RFC3: variants seen among roughly 807,000 people sequenced by gnomAD.
The protein encoded by RFC3 is A1 38 kDa subunit.
Under a neutral mutation model 45.1 loss-of-function variants are expected in RFC3, and 41 were observed. The ratio of observed to expected loss-of-function variants is 0.91; its 90% confidence interval spans 0.71 to 1.18. The LOEUF is 1.18. Ranked by LOEUF, RFC3 falls within the 50% of genes most tolerant of loss-of-function variation. The pLI is 0.00. For missense variants in RFC3, 423 were observed against 428.1 expected (o/e 0.99, Z 0.10); for synonymous variants, 149 against 144.0 (o/e 1.03, Z -0.25).
chr13:33,954,643 G>A (rs2083010957), intron 8 of RFC3, among the ~76,000 whole-genome samples: 1 of 152,156 alleles, frequency 6.6e-6, no homozygotes, highest in African/African-American at 2.4e-5. Context: ...AAGGGTGCTG[G>A]CAGATCAGGT....
intron 8 of RFC3, among the ~76,000 whole-genome samples, chr13:33,880,114 T>C (rs144014007): frequency 1.3e-5 from 2 of 152,346 alleles, no homozygotes; most frequent in African/African-American, 4.8e-5. Flanking sequence ...AATTCCCCTT[T>C]ATCGTGTAAT....
intron 8 of RFC3, among the ~76,000 whole-genome samples, chr13:33,933,278 G>A (rs1157894968): frequency 2.0e-5 from 3 of 152,114 alleles, no homozygotes; most frequent in Non-Finnish European, 4.4e-5. Flanking sequence ...AGAGATCTGG[G>A]TGAACAAAGA....
rs184178534 is a variant in RFC3 at position 33,826,547 on chromosome 13, A to G, written c.391+661A>G. Among the ~76,000 whole-genome samples the G allele has an allele frequency of 1.9e-4, 29 of 152,284 alleles. No homozygotes were observed. The East Asian group carries it at 4.2e-3, about 22-fold the overall frequency. On this transcript the variant is annotated intron_variant, in intron 4 of 8. Transcript: ENST00000380071. Reference sequence around the variant, plus strand: ...TTTTATTGTTTTGTGAATTCGCTGTACATATTCTCAGCTGATTTCTTTCCT... The same window carrying G: ...TTTTATTGTTTTGTGAATTCGCTGTGCATATTCTCAGCTGATTTCTTTCCT...
chr13:33,938,881 A>G (rs1007407133), intron 8 of RFC3, among the ~76,000 whole-genome samples: 3 of 152,208 alleles, frequency 2.0e-5, no homozygotes, highest in Non-Finnish European at 4.4e-5. Context: ...TCCAACTGGC[A>G]GTGTAATAAG....
At chr13:33,962,622 T>C (rs2083064256) in intron 8 of RFC3, among the ~76,000 whole-genome samples, 1 of 152,200 alleles carries the variant, frequency 6.6e-6, no homozygotes, top group Non-Finnish European at 1.5e-5. Context: ...GAGATGCTCA[T>C]GCAACAAAAT....
chr13:33,830,580 G>GTA, intron 5 of RFC3, 139 bp from the exon 6 acceptor site: 1 of 568,024 alleles, frequency 1.8e-6, no homozygotes, highest in Non-Finnish European at 2.9e-6. Context: ...ATGCAGAGTG[G>GTA]TAAGTTACTT....
At chr13:33,890,343 A>G (rs2082555802) in intron 8 of RFC3, among the ~76,000 whole-genome samples, 1 of 152,148 alleles carries the variant, frequency 6.6e-6, no homozygotes, top group Non-Finnish European at 1.5e-5. Flanking sequence ...CCCAGAAGCA[A>G]TATCAGAGCT....
chr13:33,940,617 T>C (rs2082917051), intron 8 of RFC3, among the ~76,000 whole-genome samples: 1 of 152,216 alleles, frequency 6.6e-6, no homozygotes, highest in Non-Finnish European at 1.5e-5. Context: ...CAAATATTTT[T>C]ATGTTTTTAT....
At chr13:33,941,235 T>G (rs1418157051) in intron 8 of RFC3, among the ~76,000 whole-genome samples, 1 of 144,686 alleles carries the variant, frequency 6.9e-6, no homozygotes, top group Admixed American at 7.0e-5. Context: ...TCCTGAGAGA[T>G]TTTTTTTTTT....
At chr13:33,876,266 A>G (rs1045510090) in intron 8 of RFC3, among the ~76,000 whole-genome samples, 7 of 152,238 alleles carry the variant, frequency 4.6e-5, no homozygotes, top group Admixed American at 3.9e-4. Context: ...TACAGCTGCT[A>G]GAGAAGCGCT....
chr13:33,904,402 C>T (rs1270535143), intron 8 of RFC3, among the ~76,000 whole-genome samples: 1 of 152,030 alleles, frequency 6.6e-6, no homozygotes, highest in South Asian at 2.1e-4. Flanking sequence ...TGTCACCAGT[C>T]TTGGTAGTGT....
chr13:33,895,329 G>A (rs574171201), intron 8 of RFC3, among the ~76,000 whole-genome samples: 3 of 152,256 alleles, frequency 2.0e-5, no homozygotes, highest in Admixed American at 6.5e-5. Context: ...AGTGGTCAGA[G>A]TACATGATAG....
rs183473114 is a variant in RFC3, at chr13:33,834,418, G to A, written c.810-730G>A. On this transcript the variant is annotated intron_variant, in intron 7 of 8. Coordinates refer to ENST00000380071, the MANE Select transcript of RFC3 (RefSeq NM_002915.4). ...TTTTTTTTTTTTTCTGTTTTAAAAC[G>A]TCATATGTACATTTCCCTCCTCTTC... 3.0e-3 allele frequency among the ~76,000 whole-genome samples: 425 copies of A among 140,684 alleles called. 8 individuals are homozygous for A. Among genetic ancestry groups the A allele is most frequent in the Non-Finnish European group, 1.5e-3 (100 of 65,966 alleles). 92.3% of individuals were successfully genotyped at this position (140,684 alleles called of 152,430 possible).
chr13:33,837,617 A>G (rs556497644), downstream of RFC3: 1 of 152,240 alleles, frequency 6.6e-6, no homozygotes, highest in Admixed American at 6.5e-5. Context: ...TAACTTTCCT[A>G]AAGTTATATT....
intron 8 of RFC3, chr13:33,846,056 A>G (rs922395962): frequency 2.0e-5 from 3 of 152,174 alleles, no homozygotes; most frequent in Admixed American, 1.3e-4. Context: ...TGGGTAAGAT[A>G]CAAGAGAATT....
At chr13:33,857,967 C>A (rs1338324987) in intron 8 of RFC3, among the ~76,000 whole-genome samples, 1 of 152,080 alleles carries the variant, frequency 6.6e-6, no homozygotes, top group East Asian at 1.9e-4. Flanking sequence ...GCAGAGAAAG[C>A]GTATTTTTAA....
intron 8 of RFC3, among the ~76,000 whole-genome samples, chr13:33,940,875 A>G (rs1169705234): frequency 3.3e-5 from 5 of 152,198 alleles, no homozygotes; most frequent in Middle Eastern, 3.2e-3. Flanking sequence ...GCACGTTACT[A>G]TTATTGTTTT....
chr13:33,863,252 G>T (rs1308690924), intron 8 of RFC3, among the ~76,000 whole-genome samples: 1 of 143,630 alleles, frequency 7.0e-6, no homozygotes, highest in African/African-American at 2.5e-5. Context: ...ATGCAGATAT[G>T]AATCTCATGC....
At position 33,849,527 on chromosome 13, in the gene RFC3, T is replaced by G. The variant is rs966205239; in HGVS notation, c.879+14310T>G. Reference sequence around the variant, plus strand: ...ACCCTTCTCCAGGCCATCACTGATATAGAGCCTTGTAGGACAATTGCAGTG... The same window carrying G: ...ACCCTTCTCCAGGCCATCACTGATAGAGAGCCTTGTAGGACAATTGCAGTG... On this transcript the variant is annotated intron_variant, in intron 8 of 8. Transcript: ENST00000434425. 5 of 152,216 alleles carry G rather than the reference T, an allele frequency of 3.3e-5. No homozygotes were observed. In the South Asian group the frequency reaches 1.0e-3, roughly 32 times the overall value. 9.4% of individuals were successfully genotyped at this position (152,216 alleles called of 1,614,324 possible).
Sources: gnomAD v4.1 joint callset for allele counts (sites outside exome capture counted in the v4.1 genomes callset) on GRCh38, gnomAD v4.1.1 for gene constraint, MANE v1.5 for transcripts, NCBI Gene and HGNC (gene_info 2026-07-23, HGNC 2026-07-21) for gene names.